Variants in MIPEP observed in about 807,000 individuals in gnomAD.
The protein encoded by MIPEP is mitochondrial intermediate peptidase.
MIPEP carries 79 observed loss-of-function variants against 90.3 expected under a neutral mutation model. The ratio of observed to expected loss-of-function variants is 0.87; its 90% CI spans 0.73 to 1.05. The LOEUF (loss-of-function observed/expected upper bound fraction) is 1.05. MIPEP is among the 50% of genes least tolerant of loss of function. The pLI is 0.00. For synonymous variants in MIPEP, 334 were observed against 315.8 expected (o/e 1.06, Z -0.61); for missense variants, 940 against 905.6 (o/e 1.04, Z -0.49).
intron 16 of MIPEP, among the ~76,000 whole-genome samples, chr13:23,790,658 C>A (rs755290915): frequency 1.3e-5 from 2 of 152,288 alleles, no homozygotes; most frequent in South Asian, 2.1e-4. Flanking sequence ...ACACCATCTG[C>A]CTCATGGAGT....
intron 4 of MIPEP, among the ~76,000 whole-genome samples, chr13:23,878,665 G>A (rs75783226): frequency 0.13 from 19,330 of 152,176 alleles, 1,324 homozygotes; most frequent in African/African-American, 0.15. Flanking sequence ...AAGATATCTA[G>A]GTTCCTATAT....
intron 7 of MIPEP, among the ~76,000 whole-genome samples, chr13:23,866,323 G>A (rs779275845): frequency 6.6e-6 from 1 of 152,016 alleles, no homozygotes; most frequent in Non-Finnish European, 1.5e-5. Flanking sequence ...CCTCAACTAA[G>A]CTTTAAATCC....
chr13:23,842,009 G>T (rs77937372), intron 10 of MIPEP, among the ~76,000 whole-genome samples: 1 of 152,092 alleles, frequency 6.6e-6, no homozygotes, highest in Non-Finnish European at 1.5e-5. Context: ...GATCTTATCT[G>T]TTTTATAGTT....
In MIPEP at chr13:23,735,981, T is replaced by C. The variant is rs150795306; in HGVS notation, c.2045-5536A>G. Among the ~76,000 whole-genome samples, 5 of 152,192 alleles carry C rather than the reference T, an allele frequency of 3.3e-5. No individual in the cohort carries two copies. The East Asian group carries it at 7.7e-4, about 24-fold the overall frequency. Reference sequence around the variant, plus strand: ...TGGATTTGGATTTTGTATATGGCCATAGTAAAAAAATTCCAAGAAAGCTTT... The same window carrying C: ...TGGATTTGGATTTTGTATATGGCCACAGTAAAAAAATTCCAAGAAAGCTTT... On this transcript the variant is annotated intron_variant, in intron 18 of 18. Transcript: ENST00000382172.
rs1473519290 is a variant in MIPEP at position 23,881,738 on chromosome 13, G to A, written c.413C>T (p.Ala138Val). 12 of 1,613,684 alleles carry A rather than the reference G, an allele frequency of 7.4e-6. No homozygotes were observed. Among genetic ancestry groups the A allele is most frequent in the African/African-American group, 4.0e-5 (3 of 74,866 alleles). Reference sequence around the variant, plus strand: ...GCCAATACTTCTACAAGCTTCTTCCGCAGCTTCTCTGAATGCTGGCTCAGG... The same window carrying A: ...GCCAATACTTCTACAAGCTTCTTCCACAGCTTCTCTGAATGCTGGCTCAGG... ...AHPEPAFREA[A>V]EEACRSIGTM... The change falls in exon 3 of 19, where the codon GCG becomes GTG. Residue 138 changes from alanine (A) to valine (V), a missense_variant. Ala to Val is a moderately conservative substitution (Grantham distance 64). Transcript: ENST00000382172.
chr13:23,881,915 A>G, intron 2 of MIPEP, 128 bp from the exon 3 acceptor site: 1 of 654,636 alleles, frequency 1.5e-6, no homozygotes, highest in East Asian at 2.8e-5. Flanking sequence ...TCCATTACTG[A>G]CTTTTTCCTA....
At chr13:23,867,383 T>C (rs1468456968) in intron 7 of MIPEP, among the ~76,000 whole-genome samples, 2 of 152,156 alleles carry the variant, frequency 1.3e-5, no homozygotes, top group African/African-American at 4.8e-5. Context: ...TGCTTGTGTC[T>C]GTCAAGAGCA....
At chr13:23,736,749 A>T (rs1427940962) in intron 18 of MIPEP, among the ~76,000 whole-genome samples, 1 of 152,036 alleles carries the variant, frequency 6.6e-6, no homozygotes, top group Non-Finnish European at 1.5e-5. Context: ...AACACCAGCC[A>T]CTCCACTCCC....
intron 16 of MIPEP, among the ~76,000 whole-genome samples, chr13:23,770,472 TG>T (rs1952636220): frequency 6.6e-6 from 1 of 152,176 alleles, no homozygotes; most frequent in Non-Finnish European, 1.5e-5. Context: ...CAGGCACAAT[TG>T]GAACAACCGG....
At chr13:23,735,250 T>C (rs1042491068) in intron 18 of MIPEP, among the ~76,000 whole-genome samples, 1 of 151,668 alleles carries the variant, frequency 6.6e-6, no homozygotes, top group African/African-American at 2.4e-5. Context: ...GCAGGTGGGG[T>C]TCCCTCTCTT....
intron 7 of MIPEP, among the ~76,000 whole-genome samples, chr13:23,867,739 G>C (rs1043643577): frequency 1.6e-4 from 24 of 152,176 alleles, no homozygotes; most frequent in Admixed American, 6.5e-4. Context: ...AGGGCATTAG[G>C]TCTCAAGCAG....
intron 2 of MIPEP, among the ~76,000 whole-genome samples, chr13:23,882,197 G>T (rs1031889735): frequency 6.6e-6 from 1 of 151,548 alleles, no homozygotes; most frequent in Admixed American, 6.6e-5. Context: ...AGCCTCCCAC[G>T]TAGCTGTGAC....
chr13:23,885,458 T>A (rs924239059), intron 2 of MIPEP, among the ~76,000 whole-genome samples: 1 of 152,186 alleles, frequency 6.6e-6, no homozygotes, highest in African/African-American at 2.4e-5. Flanking sequence ...ATTGGATTGT[T>A]TGTAACAGAA....
At chr13:23,848,658 G>A (rs1200775469) in intron 10 of MIPEP, among the ~76,000 whole-genome samples, 1 of 152,166 alleles carries the variant, frequency 6.6e-6, no homozygotes, top group Non-Finnish European at 1.5e-5. Flanking sequence ...CTGGAAAGAT[G>A]AGGCTCCTAG....
chr13:23,736,678 A>G (rs1952267584), intron 18 of MIPEP, among the ~76,000 whole-genome samples: 1 of 152,192 alleles, frequency 6.6e-6, no homozygotes, highest in African/African-American at 2.4e-5. Context: ...GTGAGGAGAA[A>G]AATACCATGC....
chr13:23,795,178 G>C (rs1593158387), intron 16 of MIPEP, among the ~76,000 whole-genome samples: 1 of 150,092 alleles, frequency 6.7e-6, no homozygotes, highest in Non-Finnish European at 1.5e-5. Context: ...TGGGGCATAA[G>C]AATAGGAGGA....
At chr13:23,751,902 G>C (rs1035059022) in intron 18 of MIPEP, among the ~76,000 whole-genome samples, 1 of 150,462 alleles carries the variant, frequency 6.6e-6, no homozygotes, top group Non-Finnish European at 1.5e-5. Flanking sequence ...CAATGTCAAT[G>C]AGAATAGATA....
chr13:23,733,552 G>A (rs923884658), intron 18 of MIPEP, among the ~76,000 whole-genome samples: 1 of 152,156 alleles, frequency 6.6e-6, no homozygotes, highest in African/African-American at 2.4e-5. Context: ...AGACAGTGAG[G>A]ACACAGAGCT....
chr13:23,870,444 A>C (rs1870748675), intron 5 of MIPEP, among the ~76,000 whole-genome samples: 1 of 152,160 alleles, frequency 6.6e-6, no homozygotes, highest in Non-Finnish European at 1.5e-5. Context: ...CTATGTTTTA[A>C]GATTTACATA....
Sources: allele counts gnomAD v4.1 joint callset (sites outside exome capture counted in the v4.1 genomes callset), GRCh38; gene constraint gnomAD v4.1.1; transcripts MANE v1.5; gene names NCBI Gene and HGNC (gene_info 2026-07-23, HGNC 2026-07-21).